The following ARHGEF9 variants were observed in gnomAD, a reference collection of about 807,000 sequenced individuals.
ARHGEF9 encodes rho guanine nucleotide exchange factor 9.
ARHGEF9 carries 2 observed loss-of-function variants against 41.3 expected under a neutral mutation model. That is an observed-to-expected ratio of 0.05 (90% CI 0.02 to 0.15). The LOEUF (loss-of-function observed/expected upper bound fraction) is 0.15. ARHGEF9 is among the 10% of genes least tolerant of loss of function. The pLI, the probability that ARHGEF9 is intolerant of heterozygous loss-of-function variation, is 1.00. For missense variants in ARHGEF9, 225 were observed against 424.7 expected (o/e 0.53, Z 4.13); for synonymous variants, 160 against 154.4 (o/e 1.04, Z -0.27).
chrX:63,663,500 TG>T (rs1256562613), intron 7 of ARHGEF9, among the ~76,000 whole-genome samples: 1 of 111,159 alleles, frequency 9.0e-6, no homozygotes. Context: ...CCTTTCTTCC[TG>T]GTAAAAAGGA....
chrX:63,771,784 C>T (rs1452753068), intron 1 of ARHGEF9, among the ~76,000 whole-genome samples: 2 of 111,326 alleles, frequency 1.8e-5, no homozygotes, highest in African/African-American at 6.5e-5. Context: ...CCAGGCTGGT[C>T]TTTAATTCCT....
chrX:63,671,870 A>C (rs2049980763), intron 6 of ARHGEF9, among the ~76,000 whole-genome samples: 1 of 112,325 alleles, frequency 8.9e-6, no homozygotes, highest in South Asian at 3.7e-4. Flanking sequence ...TATATCCATC[A>C]GGCTTTACTA....
At chrX:63,710,638 T>TA (rs781847925) in intron 2 of ARHGEF9, among the ~76,000 whole-genome samples, 71 of 107,565 alleles carry the variant, frequency 6.6e-4, no homozygotes, top group East Asian at 2.9e-3. Context: ...CTTTCATGAT[T>TA]AAAAAAAAAA....
chrX:63,665,746 C>G, intron 7 of ARHGEF9, 140 bp downstream of exon 7: 1 of 815,440 alleles, frequency 1.2e-6, no homozygotes, highest in East Asian at 3.5e-5. Flanking sequence ...GTTCCTGATA[C>G]AGAATTGCTG....
chrX:63,686,665 A>T (rs2051001434), intron 4 of ARHGEF9, among the ~76,000 whole-genome samples: 1 of 111,484 alleles, frequency 9.0e-6, no homozygotes, highest in African/African-American at 3.3e-5. Context: ...AAAATATATA[A>T]TTCTCATAAC....
At chrX:63,781,244 T>G (rs1445332112) in intron 1 of ARHGEF9, among the ~76,000 whole-genome samples, 1 of 111,966 alleles carries the variant, frequency 8.9e-6, no homozygotes, top group African/African-American at 3.2e-5. Flanking sequence ...TGAAAATAAT[T>G]TTTTCATATA....
chrX:63,644,032 T>C lies in ARHGEF9; in HGVS notation c.1338A>G (p.Glu446=). The change falls in exon 9 of 10, where the codon GAA becomes GAG. Residue 446 remains glutamate (E), a synonymous_variant. Coordinates refer to ENST00000671741, the MANE Select transcript of ARHGEF9 (RefSeq NM_001353921.2). ...EDEKIGFEIS[E]NQKRQAAMTV... is the part of the protein sequence containing the mutation. The stretch of plus-strand genomic sequence containing the variant: ...TCATTGCAGCCTGCCTCTTCTGGTT[T>C]TCAGAAATTTCAAAGCCTAAAAAAG... 1.7e-6 allele frequency: 2 copies of C among 1,210,047 alleles called. No individual in the cohort carries two copies. The highest frequency in any genetic ancestry group is 2.2e-6 in the Non-Finnish European group (2 of 894,591).
intron 1 of ARHGEF9, among the ~76,000 whole-genome samples, chrX:63,758,252 C>G (rs2055970056): frequency 9.1e-6 from 1 of 110,009 alleles, no homozygotes; most frequent in Non-Finnish European, 1.9e-5. Flanking sequence ...CTCCTAGAGC[C>G]CCTGACGCCT....
intron 1 of ARHGEF9, among the ~76,000 whole-genome samples, chrX:63,759,698 C>T (rs1186628036): frequency 8.9e-6 from 1 of 112,263 alleles, no homozygotes; most frequent in Non-Finnish European, 1.9e-5. Context: ...AAACTGCTTA[C>T]TCTGTGTCAG....
At position 63,636,136 on chromosome X, in the gene ARHGEF9, T is replaced by C. The variant is rs2047304907; in HGVS notation, c.*1892A>G. ...AATGCCTGGTCTGGATCAGGAGGCA[T>C]AGAGCAGTAAACATGCTAGCTATGC... On this transcript the variant is annotated 3_prime_UTR_variant, in exon 10 of 10. Coordinates refer to ENST00000671741, the MANE Select transcript of ARHGEF9 (RefSeq NM_001353921.2). The C allele has an allele frequency of 8.9e-6, 1 of 111,948 alleles. No homozygotes were observed. The highest frequency in any genetic ancestry group is 1.9e-5 in the Non-Finnish European group (1 of 53,221). 9.2% of individuals were successfully genotyped at this position (111,948 alleles called of 1,213,427 possible).
intron 6 of ARHGEF9, among the ~76,000 whole-genome samples, chrX:63,671,909 G>T (rs150538796): frequency 8.9e-6 from 1 of 111,738 alleles, no homozygotes; most frequent in East Asian, 2.8e-4. Context: ...GGACAACTTC[G>T]CTGGAACTGG....
intron 3 of ARHGEF9, among the ~76,000 whole-genome samples, chrX:63,703,705 T>C (rs2052346030): frequency 9.0e-6 from 1 of 111,723 alleles, no homozygotes; most frequent in Admixed American, 9.5e-5. Context: ...AAACAAAATA[T>C]ATAAGTTAAA....
chrX:63,781,254 A>G (rs182886088), intron 1 of ARHGEF9, among the ~76,000 whole-genome samples: 21 of 112,328 alleles, frequency 1.9e-4, no homozygotes, highest in Non-Finnish European at 3.0e-4. Context: ...TTTTTCATAT[A>G]TAAGACTATT....
intron 5 of ARHGEF9, 141 bp from the exon 6 acceptor site, chrX:63,674,308 A>G: frequency 1.5e-6 from 1 of 646,626 alleles, no homozygotes; most frequent in Admixed American, 2.8e-5. Flanking sequence ...CACCACCTAA[A>G]GACTACATTT....
intron 3 of ARHGEF9, among the ~76,000 whole-genome samples, chrX:63,700,283 A>C (rs181582920): frequency 7.8e-4 from 87 of 112,157 alleles, no homozygotes; most frequent in African/African-American, 2.7e-3. Context: ...CTCGACCTCT[A>C]TACCACACAA....
intron 4 of ARHGEF9, among the ~76,000 whole-genome samples, 185 bp downstream of exon 4, chrX:63,696,940 C>T (rs1336488489): frequency 2.7e-5 from 3 of 111,513 alleles, no homozygotes; most frequent in African/African-American, 9.8e-5. Flanking sequence ...ATTTATAGGG[C>T]AAATCACAGC....
Position 63,729,775 on chromosome X carries a change from C to G in ARHGEF9, c.31-5064G>C, listed in dbSNP as rs782087512. 9.8e-5 allele frequency among the ~76,000 whole-genome samples: 11 copies of G among 112,052 alleles called. No individual in the cohort carries two copies. In the South Asian group the frequency reaches 4.1e-3, roughly 42 times the overall value. On this transcript the variant is annotated intron_variant, in intron 1 of 9. Coordinates refer to ENST00000671741, the MANE Select transcript of ARHGEF9 (RefSeq NM_001353921.2). ...AGGAAGCACTAAATATAGGGAAGCT[C>G]TTGCTCAGACTTACAAGTGAGTGGG...
rs782624629 is a variant in ARHGEF9 at position 63,753,600 on chromosome X, A to G, written c.31-28889T>C. Among the ~76,000 whole-genome samples, 64 of 108,418 alleles carry G rather than the reference A, an allele frequency of 5.9e-4. No homozygotes were observed. The Admixed American group carries it at 6.1e-3, about 10-fold the overall frequency. The allele number at this position is 108,418 out of a possible 115,157, so 94.1% of individuals were successfully genotyped here. On this transcript the variant is annotated intron_variant, in intron 1 of 9. Coordinates refer to ENST00000671741, the MANE Select transcript of ARHGEF9 (RefSeq NM_001353921.2). The stretch of plus-strand genomic sequence containing the variant: ...TCCCCAAACTCAAATCCAGGGGTAC[A>G]ATCTTTGGGAAAGGGAGCCCAAATA...
chrX:63,724,853 C>A, intron 1 of ARHGEF9, 142 bp from the exon 2 acceptor site: 2 of 564,693 alleles, frequency 3.5e-6, no homozygotes, highest in South Asian at 5.6e-5. Context: ...GGCACTGGAA[C>A]AAAAGTTCCA....
Sources: gnomAD v4.1 joint callset for allele counts (sites outside exome capture counted in the v4.1 genomes callset) on GRCh38, gnomAD v4.1.1 for gene constraint, MANE v1.5 for transcripts, NCBI Gene and HGNC (gene_info 2026-07-23, HGNC 2026-07-21) for gene names.